The following SKAP1 variants were observed in gnomAD, a reference collection of about 807,000 sequenced individuals.
The protein encoded by SKAP1 is src kinase associated phosphoprotein 1.
Under a neutral mutation model 58.5 loss-of-function variants are expected in SKAP1, and 44 were observed. That is an observed-to-expected ratio of 0.75 (90% CI 0.59 to 0.97). SKAP1 has a LOEUF of 0.97. Among genes scored for constraint, SKAP1 ranks in the 50% least tolerant of loss-of-function variants. The probability of loss-of-function intolerance (pLI) is 0.00; values close to 1 mark genes in which losing one functional copy is unlikely to be tolerated. For missense variants in SKAP1, 390 were observed against 435.2 expected (o/e 0.90, Z 0.92); for synonymous variants, 127 against 149.7 (o/e 0.85, Z 1.11).
chr17:48,249,486 A>G (rs2065336496), intron 4 of SKAP1, among the ~76,000 whole-genome samples: 1 of 152,172 alleles, frequency 6.6e-6, no homozygotes, highest in South Asian at 2.1e-4. Context: ...CAGCCTGGGC[A>G]ACATGATGAA....
At chr17:48,337,621 A>AGTT (rs2066591519) in intron 4 of SKAP1, among the ~76,000 whole-genome samples, 1 of 152,232 alleles carries the variant, frequency 6.6e-6, no homozygotes, top group South Asian at 2.1e-4. Flanking sequence ...ATGTCAAATC[A>AGTT]ATTCAGGGGC....
chr17:48,394,981 CA>C (rs1465636680), intron 2 of SKAP1, among the ~76,000 whole-genome samples: 1 of 152,180 alleles, frequency 6.6e-6, no homozygotes, highest in African/African-American at 2.4e-5. Context: ...TGCAACAAGT[CA>C]ATGAACAGAA....
intron 9 of SKAP1, among the ~76,000 whole-genome samples, chr17:48,178,750 T>G (rs1234727511): frequency 6.6e-6 from 1 of 152,222 alleles, no homozygotes; most frequent in Non-Finnish European, 1.5e-5. Flanking sequence ...CGACGATGAC[T>G]TGCTGAGGAA....
intron 5 of SKAP1, 107 bp from the exon 6 acceptor site, chr17:48,188,033 G>T: frequency 1.2e-6 from 1 of 804,518 alleles, no homozygotes; most frequent in Non-Finnish European, 2.1e-6. Context: ...TTATTTCCCA[G>T]GTTAATGGAC....
intron 2 of SKAP1, among the ~76,000 whole-genome samples, chr17:48,365,688 C>G (rs1178043290): frequency 6.6e-6 from 1 of 152,076 alleles, no homozygotes; most frequent in African/African-American, 2.4e-5. Flanking sequence ...TTAACTCTTG[C>G]TATAGACATA....
At chr17:48,317,084 G>A (rs1015898000) in intron 4 of SKAP1, among the ~76,000 whole-genome samples, 3 of 152,080 alleles carry the variant, frequency 2.0e-5, no homozygotes, top group African/African-American at 4.8e-5. Context: ...ATGCAGGAGC[G>A]AAAAGTGCCA....
At chr17:48,155,221 G>A (rs748393865) in intron 11 of SKAP1, among the ~76,000 whole-genome samples, 96 of 151,544 alleles carry the variant, frequency 6.3e-4, no homozygotes, top group Non-Finnish European at 1.2e-3. Flanking sequence ...ACTGCCTCCC[G>A]GGTTCAAGCG....
At chr17:48,392,397 C>T (rs1233970305) in intron 2 of SKAP1, among the ~76,000 whole-genome samples, 3 of 152,124 alleles carry the variant, frequency 2.0e-5, no homozygotes, top group Non-Finnish European at 4.4e-5. Context: ...TATAAATCTA[C>T]TGGTCTCTTT....
intron 3 of SKAP1, among the ~76,000 whole-genome samples, chr17:48,350,177 G>T (rs2066780083): frequency 6.6e-6 from 1 of 151,954 alleles, no homozygotes; most frequent in African/African-American, 2.4e-5. Flanking sequence ...CCAGAGAAAT[G>T]AGAAAGAAAT....
chr17:48,171,320 G>A (rs924736609), intron 9 of SKAP1, among the ~76,000 whole-genome samples: 1 of 151,624 alleles, frequency 6.6e-6, no homozygotes, highest in Non-Finnish European at 1.5e-5. Flanking sequence ...TGATCAGGCT[G>A]GTCTCAAACT....
At chr17:48,230,705 C>T (rs1269656139) in intron 4 of SKAP1, among the ~76,000 whole-genome samples, 9 of 152,036 alleles carry the variant, frequency 5.9e-5, no homozygotes, top group East Asian at 1.9e-4. Flanking sequence ...TACGGTGAGC[C>T]ACGATCATGC....
chr17:48,302,124 C>T (rs2066066520), intron 4 of SKAP1, among the ~76,000 whole-genome samples: 1 of 152,120 alleles, frequency 6.6e-6, no homozygotes, highest in South Asian at 2.1e-4. Flanking sequence ...ATTAGCCAAA[C>T]TTATCAAGTG....
chr17:48,221,660 T>C (rs2065008001), intron 4 of SKAP1, among the ~76,000 whole-genome samples: 1 of 152,156 alleles, frequency 6.6e-6, no homozygotes, highest in Admixed American at 6.5e-5. Context: ...GCAAGAGAAA[T>C]TGACTTAAAT....
At chr17:48,372,457 C>T (rs1005262446) in intron 2 of SKAP1, among the ~76,000 whole-genome samples, 2 of 152,056 alleles carry the variant, frequency 1.3e-5, no homozygotes, top group African/African-American at 4.8e-5. Context: ...CAGTCATGTG[C>T]CACCATGCCC....
chr17:48,243,217 T>C (rs1201253691), intron 4 of SKAP1, among the ~76,000 whole-genome samples: 1 of 152,200 alleles, frequency 6.6e-6, no homozygotes, highest in Non-Finnish European at 1.5e-5. Context: ...TGGAATTCTC[T>C]GGTGAAAAAT....
At chr17:48,375,611 A>G (rs2067140633) in intron 2 of SKAP1, among the ~76,000 whole-genome samples, 1 of 152,118 alleles carries the variant, frequency 6.6e-6, no homozygotes, top group South Asian at 2.1e-4. Flanking sequence ...AGCAAATCTC[A>G]CTAGTATGTC....
upstream of SKAP1, among the ~76,000 whole-genome samples, chr17:48,435,248 T>C (rs1030927310): frequency 1.5e-3 from 227 of 152,236 alleles, 1 homozygote; most frequent in African/African-American, 5.3e-3. Context: ...TTTAATCTTC[T>C]TTACCTATCC....
intron 4 of SKAP1, among the ~76,000 whole-genome samples, chr17:48,288,389 T>C (rs1326285175): frequency 2.0e-5 from 3 of 152,176 alleles, no homozygotes; most frequent in South Asian, 4.1e-4. Context: ...GACTACCAGA[T>C]TGAAAATAAA....
At chr17:48,342,482 T>TACTGC (rs1412685077) in intron 4 of SKAP1, among the ~76,000 whole-genome samples, 1 of 127,178 alleles carries the variant, frequency 7.9e-6, no homozygotes, top group Non-Finnish European at 1.6e-5. Flanking sequence ...GCAGCATGCT[T>TACTGC]CTATATTCTT....
Sources: gnomAD v4.1 joint callset for allele counts (sites outside exome capture counted in the v4.1 genomes callset) on GRCh38, gnomAD v4.1.1 for gene constraint, MANE v1.5 for transcripts, NCBI Gene and HGNC (gene_info 2026-07-23, HGNC 2026-07-21) for gene names.